The following PRKDC variants were observed in gnomAD, a reference collection of about 807,000 sequenced individuals.
The protein encoded by PRKDC is DNA-dependent protein kinase catalytic subunit.
In PRKDC, 82 loss-of-function variants were observed where a neutral mutation model predicts 486.9. The observed-to-expected ratio is 0.17, with a 90% confidence interval of 0.14 to 0.20. PRKDC has a LOEUF of 0.20. Ranked by LOEUF, PRKDC falls within the 10% of genes least tolerant of loss-of-function variation. The pLI, the probability that PRKDC is intolerant of heterozygous loss-of-function variation, is 1.00. For missense variants in PRKDC, 4,504 were observed against 5,038.2 expected (o/e 0.89, Z 3.21); for synonymous variants, 1,895 against 1,837.0 (o/e 1.03, Z -0.81).
At chr8:47,819,829 G>A (rs1167989467) in intron 66 of PRKDC, among the ~76,000 whole-genome samples, 2 of 152,150 alleles carry the variant, frequency 1.3e-5, no homozygotes, top group African/African-American at 4.8e-5. Context: ...GACTACAGAA[G>A]CCAATTCTTT....
chr8:47,811,676 A>G (rs1391174019), intron 68 of PRKDC, among the ~76,000 whole-genome samples: 1 of 152,208 alleles, frequency 6.6e-6, no homozygotes, highest in Non-Finnish European at 1.5e-5. Context: ...TTACTTCATA[A>G]TGATAAAAGG....
chr8:47,932,508 C>A (rs541181528), intron 16 of PRKDC, among the ~76,000 whole-genome samples: 7 of 152,164 alleles, frequency 4.6e-5, no homozygotes, highest in Non-Finnish European at 1.0e-4. Context: ...TCAGCTACCG[C>A]GCCAGGCCTA....
In PRKDC at chr8:47,918,283, A is replaced by G; in HGVS notation, c.2520T>C (p.Leu840=). 1 of 1,574,522 alleles carries G rather than the reference A, an allele frequency of 6.4e-7. No homozygotes were observed. The highest frequency in any genetic ancestry group is 8.6e-7 in the Non-Finnish European group (1 of 1,157,474). ...AATACAAAGGACTTCTTACTGATGA[A>G]AGGTTCTTTGTCTTCTTCAGATGCT... is the stretch of plus-strand genomic sequence containing the variant. ...VLKHLKKTKN[L]SSNEAISLEE... The change falls in exon 22 of 86, where the codon CTT becomes CTC. Residue 840 remains leucine, a synonymous_variant. Transcript: ENST00000314191.
At chr8:47,914,103 TC>T in intron 23 of PRKDC, 39 bp from the exon 24 acceptor site, 1 of 1,392,372 alleles carries the variant, frequency 7.2e-7, no homozygotes, top group East Asian at 2.6e-5. Flanking sequence ...ACACTTTTTT[TC>T]TTTTTATTAG....
At position 47,853,313 on chromosome 8, in the gene PRKDC, C is replaced by T. The variant is rs8178166; in HGVS notation, c.6894-529G>A. Among the ~76,000 whole-genome samples the T allele has an allele frequency of 3.0e-4, 45 of 152,330 alleles. No homozygotes were observed. The East Asian group carries it at 4.1e-3, about 14-fold the overall frequency. On this transcript the variant is annotated intron_variant, in intron 51 of 85. Coordinates refer to ENST00000314191, the MANE Select transcript of PRKDC (RefSeq NM_006904.7). ...AGCCGAGTTCCCACTGAGGCTGCCGCGAAGCTGGCTGCCTCAGCCCTGAGG... is the reference window on the plus strand; with the variant it reads ...AGCCGAGTTCCCACTGAGGCTGCCGTGAAGCTGGCTGCCTCAGCCCTGAGG...
At chr8:47,911,055 T>A (rs1328407923) in intron 25 of PRKDC, among the ~76,000 whole-genome samples, 3 of 152,234 alleles carry the variant, frequency 2.0e-5, no homozygotes, top group Middle Eastern at 3.2e-3. Context: ...TAATAATCTT[T>A]TCTCCTTCTT....
intron 39 of PRKDC, among the ~76,000 whole-genome samples, chr8:47,878,057 T>C (rs890490466): frequency 5.3e-5 from 8 of 151,658 alleles, no homozygotes; most frequent in African/African-American, 1.9e-4. Context: ...TATATATCAA[T>C]GTTCACTATA....
intron 4 of PRKDC, among the ~76,000 whole-genome samples, 176 bp from the exon 5 acceptor site, chr8:47,954,622 G>C (rs1460915149): frequency 6.6e-6 from 1 of 152,100 alleles, no homozygotes; most frequent in Non-Finnish European, 1.5e-5. Context: ...TGGTCTCACA[G>C]GATTCACATC....
At chr8:47,811,231 G>C (rs2087319489) in intron 68 of PRKDC, among the ~76,000 whole-genome samples, 1 of 152,122 alleles carries the variant, frequency 6.6e-6, no homozygotes, top group Non-Finnish European at 1.5e-5. Flanking sequence ...GGAATAACGA[G>C]GACATTATCT....
chr8:47,832,690 C>G (rs967194172), intron 59 of PRKDC, among the ~76,000 whole-genome samples: 1 of 152,156 alleles, frequency 6.6e-6, no homozygotes, highest in African/African-American at 2.4e-5. Flanking sequence ...TATCTAAGCA[C>G]TAGGACTCCA....
chr8:47,928,756 TC>T (rs2090199714), intron 19 of PRKDC, among the ~76,000 whole-genome samples: 1 of 152,026 alleles, frequency 6.6e-6, no homozygotes. Flanking sequence ...CAATCTCAGC[TC>T]ACTGCAACTT....
intron 35 of PRKDC, 104 bp downstream of exon 35, chr8:47,887,443 C>T: frequency 8.8e-7 from 1 of 1,140,184 alleles, no homozygotes; most frequent in East Asian, 2.8e-5. Flanking sequence ...ACTTGTCCAG[C>T]TAAAACCTTA....
intron 18 of PRKDC, 28 bp from the exon 19 acceptor site, chr8:47,929,206 AC>A: frequency 6.9e-7 from 1 of 1,444,970 alleles, no homozygotes; most frequent in Non-Finnish European, 9.5e-7. Flanking sequence ...AAGTTAGTAC[AC>A]TGAACAAGAA....
chr8:47,900,424 C>T lies in PRKDC; in HGVS notation c.3313G>A (p.Val1105Met). 2 of 1,611,874 alleles carry T rather than the reference C, an allele frequency of 1.2e-6. No homozygotes were observed. Among genetic ancestry groups the T allele is most frequent in the Non-Finnish European group, 1.7e-6 (2 of 1,179,120 alleles). ...LVEQFVFEALVIYMESLALAH... is the reference protein window; with the variant it reads ...LVEQFVFEALMIYMESLALAH... ...AAGGCCAGACTCTCCATGTATATCA[C>T]CAAGGCTTCAAACACAAACTGTTCC... Residue 1105 changes from valine to methionine, a missense_variant, in exon 28 of 86, where the codon GTG becomes ATG. Physicochemically the swap from Val to Met is conservative, Grantham distance 21. Coordinates refer to ENST00000314191, the MANE Select transcript of PRKDC (RefSeq NM_006904.7).
intron 15 of PRKDC, 115 bp from the exon 16 acceptor site, chr8:47,933,287 A>G: frequency 2.3e-6 from 2 of 854,868 alleles, no homozygotes; most frequent in Non-Finnish European, 3.3e-6. Flanking sequence ...TTATGGAAAC[A>G]GTGATGATAA....
chr8:47,822,083 G>A lies in PRKDC; in HGVS notation c.8923-291C>T, dbSNP rs1044507414. Among the ~76,000 whole-genome samples the A allele has an allele frequency of 9.9e-5, 15 of 152,250 alleles. 1 individual carries two copies. The highest frequency in any genetic ancestry group is 7.8e-4 in the Admixed American group (12 of 15,302). Reference sequence around the variant, plus strand: ...GGATCACCTGAGCCCAGGAGTTTGAGACTAGCCTAGGCAACATGGCCTACA... The same window carrying A: ...GGATCACCTGAGCCCAGGAGTTTGAAACTAGCCTAGGCAACATGGCCTACA... On this transcript the variant is annotated intron_variant, in intron 64 of 85. Coordinates refer to ENST00000314191, the MANE Select transcript of PRKDC (RefSeq NM_006904.7).
chr8:47,844,102 A>G (rs2088214255), intron 54 of PRKDC, among the ~76,000 whole-genome samples: 1 of 152,268 alleles, frequency 6.6e-6, no homozygotes, highest in African/African-American at 2.4e-5. Flanking sequence ...CGCAGTGGCA[A>G]GTTGGATTTA....
At chr8:47,830,283 T>C (rs1458605058) in intron 61 of PRKDC, among the ~76,000 whole-genome samples, 1 of 152,220 alleles carries the variant, frequency 6.6e-6, no homozygotes, top group East Asian at 1.9e-4. Context: ...ATCCACTGAT[T>C]CCTGAGTGCT....
intron 40 of PRKDC, among the ~76,000 whole-genome samples, chr8:47,870,011 T>C (rs2088912778): frequency 6.6e-6 from 1 of 152,332 alleles, no homozygotes; most frequent in Admixed American, 6.5e-5. Context: ...CCAGCTCAAC[T>C]GCAGTGGAAT....
Sources: allele counts gnomAD v4.1 joint callset (sites outside exome capture counted in the v4.1 genomes callset), GRCh38; gene constraint gnomAD v4.1.1; transcripts MANE v1.5; gene names NCBI Gene and HGNC (gene_info 2026-07-23, HGNC 2026-07-21).